ADAMTS17: variants seen among roughly 807,000 people sequenced by gnomAD.
ADAMTS17 encodes the protein A disintegrin and metalloproteinase with thrombospondin motifs 17.
In ADAMTS17, 113 loss-of-function variants were observed where a neutral mutation model predicts 141.5. The ratio of observed to expected loss-of-function variants is 0.80; its 90% CI spans 0.69 to 0.93. The LOEUF (loss-of-function observed/expected upper bound fraction) is 0.93, where lower values mean the gene tolerates loss of function less well. Among genes scored for constraint, ADAMTS17 ranks in the 40% least tolerant of loss-of-function variants. The probability of loss-of-function intolerance (pLI) is 0.00; values close to 1 mark genes in which losing one functional copy is unlikely to be tolerated. For synonymous variants in ADAMTS17, 768 were observed against 630.6 expected (o/e 1.22, Z -3.27); for missense variants, 1,659 against 1,517.9 (o/e 1.09, Z -1.54).
At chr15:100,280,363 C>T (rs1044267835) in intron 4 of ADAMTS17, among the ~76,000 whole-genome samples, 2 of 152,100 alleles carry the variant, frequency 1.3e-5, no homozygotes, top group Non-Finnish European at 2.9e-5. Flanking sequence ...TTCCTTTTAC[C>T]CCAGGCCCTC....
chr15:100,068,155 C>G (rs953823742), intron 15 of ADAMTS17, among the ~76,000 whole-genome samples: 3 of 152,200 alleles, frequency 2.0e-5, no homozygotes, highest in Non-Finnish European at 1.5e-5. Flanking sequence ...TCGCTCATTG[C>G]TAGCACAGCA....
At chr15:100,031,587 C>T (rs1480381809) in intron 18 of ADAMTS17, among the ~76,000 whole-genome samples, 1 of 152,198 alleles carries the variant, frequency 6.6e-6, no homozygotes. Context: ...ATCAACGGAG[C>T]ATCTGTCCAG....
At chr15:100,318,473 T>C (rs2045634067) in intron 3 of ADAMTS17, among the ~76,000 whole-genome samples, 1 of 152,074 alleles carries the variant, frequency 6.6e-6, no homozygotes, top group Admixed American at 6.5e-5. Flanking sequence ...AGCTAGCCCC[T>C]TCCCCCAGGT....
intron 3 of ADAMTS17, among the ~76,000 whole-genome samples, chr15:100,291,705 G>A (rs768071837): frequency 2.1e-4 from 32 of 152,240 alleles, no homozygotes; most frequent in Non-Finnish European, 3.5e-4. Flanking sequence ...TGGATGGAGC[G>A]AAAGGCCATC....
At chr15:100,076,254 G>C (rs573398047) in intron 15 of ADAMTS17, among the ~76,000 whole-genome samples, 1 of 152,210 alleles carries the variant, frequency 6.6e-6, no homozygotes. Context: ...TGTTGGGCAG[G>C]CTGGTCTGGA....
At chr15:100,186,907 C>T (rs2040738801) in intron 8 of ADAMTS17, among the ~76,000 whole-genome samples, 1 of 152,154 alleles carries the variant, frequency 6.6e-6, no homozygotes, top group Non-Finnish European at 1.5e-5. Context: ...AAATGTATGC[C>T]ATTTGTCTCA....
intron 12 of ADAMTS17, 95 bp downstream of exon 12, chr15:100,131,912 C>T (rs940504860): frequency 2.8e-5 from 45 of 1,581,326 alleles, no homozygotes; most frequent in Non-Finnish European, 3.4e-5. Context: ...TAATGCTCAG[C>T]GGGAGACAGA....
rs777072793 is a variant in ADAMTS17 at position 100,116,840 on chromosome 15, C to T, written c.1888+7G>A. On this transcript the variant is annotated splice_region_variant and intron_variant, in intron 13 of 21. Transcript: ENST00000268070. ...CTGCCATGCAAGGACATGCCATATG[C>T]CTTTACCGTCAACCACCACGGCTGT... The T allele has an allele frequency of 4.3e-6, 7 of 1,614,066 alleles. No homozygotes were observed. The East Asian group carries it at 6.7e-5, about 15-fold the overall frequency.
intron 18 of ADAMTS17, among the ~76,000 whole-genome samples, chr15:99,998,016 A>T (rs562348762): frequency 6.6e-6 from 1 of 152,282 alleles, no homozygotes; most frequent in East Asian, 1.9e-4. Context: ...TGCTGGGAGA[A>T]CAGTCCCAGT....
intron 3 of ADAMTS17, among the ~76,000 whole-genome samples, chr15:100,301,622 C>T (rs1257757673): frequency 7.9e-5 from 12 of 151,860 alleles, no homozygotes; most frequent in South Asian, 2.1e-4. Context: ...TGAGTCACCA[C>T]GCCCAGCTTA....
chr15:100,244,705 G>C (rs548938083), intron 7 of ADAMTS17, among the ~76,000 whole-genome samples: 4 of 152,088 alleles, frequency 2.6e-5, no homozygotes, highest in Non-Finnish European at 5.9e-5. Context: ...CCCTTCCCTG[G>C]CTCTCAGCCT....
chr15:100,202,494 T>A (rs1177239993), intron 7 of ADAMTS17, among the ~76,000 whole-genome samples: 1 of 152,178 alleles, frequency 6.6e-6, no homozygotes, highest in Non-Finnish European at 1.5e-5. Context: ...TGTGTGTTTA[T>A]GAGAGATGAG....
rs926227907 is a variant in ADAMTS17, at chr15:99,976,127, C to T, written c.3045G>A (p.Ser1015=). 10 of 1,551,132 alleles carry T rather than the reference C, an allele frequency of 6.4e-6. No individual in the cohort carries two copies. Among genetic ancestry groups the T allele is most frequent in the South Asian group, 3.6e-5 (3 of 84,042 alleles). The change falls in exon 21 of 22, where the codon TCG becomes TCA. Residue 1015 remains serine, a synonymous_variant. Coordinates refer to ENST00000268070, the MANE Select transcript of ADAMTS17 (RefSeq NM_139057.4). ...AGCACTGTCTGTAGGGGGCAGGCTT[C>T]GAGAGGGCGGGGCACTCGCTGCCGT... The part of the protein sequence containing the change: ...GRHGSECPAL[S]KPAPYRQCYQ...
chr15:100,014,017 A>AT (rs1254749565), intron 18 of ADAMTS17, among the ~76,000 whole-genome samples: 8 of 151,266 alleles, frequency 5.3e-5, no homozygotes, highest in South Asian at 2.1e-4. Context: ...CTGGTCCTGG[A>AT]TTTTTTTTTG....
chr15:100,297,946 GA>G (rs1422165682), intron 3 of ADAMTS17, among the ~76,000 whole-genome samples: 1 of 152,122 alleles, frequency 6.6e-6, no homozygotes, highest in Non-Finnish European at 1.5e-5. Context: ...GAAGTCCTGA[GA>G]GGCAGGGCTG....
chr15:100,244,307 G>A (rs1207489561), intron 7 of ADAMTS17, among the ~76,000 whole-genome samples: 5 of 140,448 alleles, frequency 3.6e-5, no homozygotes, highest in Admixed American at 1.5e-4. Context: ...CAGCCAAACC[G>A]TATCAGTAAG....
At position 100,341,135 on chromosome 15, in the gene ADAMTS17, G is replaced by A; in HGVS notation, c.354C>T (p.Arg118=). ...AGAAGCACAGCTCGGCGGGGCGGCC[G>A]CGGCGCCGGGCCGCGCCCGCCTCCT... ...EVEEAGAARR[R]GRPAELCFYS... The change falls in exon 2 of 22, where the codon CGC becomes CGT. Residue 118 remains arginine (R), a synonymous_variant. Coordinates refer to ENST00000268070, the MANE Select transcript of ADAMTS17 (RefSeq NM_139057.4). 7.0e-7 allele frequency: 1 copy of A among 1,430,604 alleles called. No individual in the cohort carries two copies. The highest frequency in any genetic ancestry group is 9.1e-7 in the Non-Finnish European group (1 of 1,100,748). 88.6% of individuals were successfully genotyped at this position (1,430,604 alleles called of 1,614,324 possible). A position where few individuals can be genotyped will look rare whatever the true frequency, so the allele number is the denominator to read the frequency against.
At chr15:100,155,920 GTGATCTTAGCT>G (rs1199389530) in intron 8 of ADAMTS17, among the ~76,000 whole-genome samples, 1 of 152,186 alleles carries the variant, frequency 6.6e-6, no homozygotes, top group Non-Finnish European at 1.5e-5. Context: ...GAGCTGAACA[GTGATCTTAGCT>G]TATACACTTG....
chr15:100,196,552 A>T (rs2041125277), intron 8 of ADAMTS17, among the ~76,000 whole-genome samples: 1 of 152,258 alleles, frequency 6.6e-6, no homozygotes, highest in Non-Finnish European at 1.5e-5. Context: ...GCACACACGC[A>T]CATACCTTCC....
Sources: allele counts gnomAD v4.1 joint callset (sites outside exome capture counted in the v4.1 genomes callset), GRCh38; gene constraint gnomAD v4.1.1; transcripts MANE v1.5; gene names NCBI Gene and HGNC (gene_info 2026-07-23, HGNC 2026-07-21).